Variants in B3GLCT observed in about 807,000 individuals in gnomAD.
B3GLCT encodes beta-1,3-glucosyltransferase.
Under a neutral mutation model 63.4 loss-of-function variants are expected in B3GLCT, and 65 were observed. That is an observed-to-expected ratio of 1.03 (90% CI 0.84 to 1.26). The LOEUF (loss-of-function observed/expected upper bound fraction) is 1.26. B3GLCT is among the 50% of genes most tolerant of loss of function. The pLI is 0.00. For synonymous variants in B3GLCT, 233 were observed against 219.2 expected, an observed-to-expected ratio of 1.06 and a Z score of -0.55; for missense variants, 577 against 604.8, an observed-to-expected ratio of 0.95 and a Z score of 0.48.
intron 12 of B3GLCT, 45 bp from the exon 13 acceptor site, chr13:31,317,521 G>C: frequency 1.2e-6 from 2 of 1,611,540 alleles, no homozygotes; most frequent in Non-Finnish European, 1.7e-6. Context: ...CCATAACCAC[G>C]TTTGAATCAA....
chr13:31,294,151 G>A (rs1268717950), intron 12 of B3GLCT, among the ~76,000 whole-genome samples: 8 of 152,146 alleles, frequency 5.3e-5, no homozygotes, highest in Admixed American at 5.2e-4. Flanking sequence ...CTCTTCTTGT[G>A]GCTTATAGGG....
At chr13:31,251,216 G>T (rs999922702) in intron 6 of B3GLCT, among the ~76,000 whole-genome samples, 2 of 152,162 alleles carry the variant, frequency 1.3e-5, no homozygotes, top group South Asian at 4.1e-4. Flanking sequence ...GAAGGTCACC[G>T]ACTTCAAAGA....
chr13:31,298,932 AT>A (rs1468808976), intron 12 of B3GLCT, among the ~76,000 whole-genome samples: 8 of 152,254 alleles, frequency 5.3e-5, no homozygotes, highest in African/African-American at 1.9e-4. Flanking sequence ...TTGCTTAGAA[AT>A]CAGCCCTGCT....
chr13:31,245,831 A>C (rs914454429), intron 4 of B3GLCT, among the ~76,000 whole-genome samples: 2 of 152,182 alleles, frequency 1.3e-5, no homozygotes, highest in Non-Finnish European at 2.9e-5. Flanking sequence ...ATTCAGAAGT[A>C]ACAGTAGGAA....
At chr13:31,277,133 G>C (rs891421156) in intron 10 of B3GLCT, among the ~76,000 whole-genome samples, 1 of 152,118 alleles carries the variant, frequency 6.6e-6, no homozygotes, top group African/African-American at 2.4e-5. Flanking sequence ...AAGAATGTCA[G>C]GGGATTTCAA....
At position 31,317,595 on chromosome 13, in the gene B3GLCT, G is replaced by A; in HGVS notation, c.1094G>A (p.Cys365Tyr). The A allele has an allele frequency of 6.2e-7, 1 of 1,614,056 alleles. No homozygotes were observed. Among genetic ancestry groups the A allele is most frequent in the Non-Finnish European group, 8.5e-7 (1 of 1,179,970 alleles). Residue 365 changes from cysteine (C) to tyrosine (Y), a missense_variant, in exon 13 of 15, where the codon TGT becomes TAT. Cys to Tyr is a radical substitution (Grantham distance 194). Coordinates refer to ENST00000343307, the MANE Select transcript of B3GLCT (RefSeq NM_194318.4). ...SISRLQHLLS[C>Y]YDSGEPVFLG... ...TCCAGGCTCCAGCACTTGCTTAGCT[G>A]TTATGACTCCGGCGAGCCTGTGTTT... is the stretch of plus-strand genomic sequence containing the variant.
intron 14 of B3GLCT, among the ~76,000 whole-genome samples, chr13:31,329,256 C>G (rs1875791382): frequency 6.6e-6 from 1 of 152,120 alleles, no homozygotes; most frequent in Non-Finnish European, 1.5e-5. Context: ...CTCCCAGAGG[C>G]AAGACTATGG....
chr13:31,285,439 T>G (rs1313627408), intron 11 of B3GLCT, among the ~76,000 whole-genome samples: 1 of 152,034 alleles, frequency 6.6e-6, no homozygotes, highest in Non-Finnish European at 1.5e-5. Flanking sequence ...AAAACTGCAC[T>G]TGTACCTCTT....
chr13:31,246,285 A>G (rs987993570), intron 4 of B3GLCT, among the ~76,000 whole-genome samples: 1 of 152,226 alleles, frequency 6.6e-6, no homozygotes, highest in African/African-American at 2.4e-5. Context: ...CTTGAAATAT[A>G]GGGAATAGTG....
intron 4 of B3GLCT, among the ~76,000 whole-genome samples, chr13:31,244,257 C>T (rs990170646): frequency 2.0e-5 from 3 of 152,080 alleles, no homozygotes; most frequent in East Asian, 1.9e-4. Flanking sequence ...TTTGGGAGGC[C>T]GAGGCGGGTG....
intron 2 of B3GLCT, among the ~76,000 whole-genome samples, chr13:31,216,515 A>C (rs1593250263): frequency 6.6e-6 from 1 of 152,212 alleles, no homozygotes; most frequent in East Asian, 1.9e-4. Context: ...ATTGCATGTC[A>C]TAGGGGTTTG....
chr13:31,200,250 C>A, intron 1 of B3GLCT, 96 bp downstream of exon 1: 1 of 709,070 alleles, frequency 1.4e-6, no homozygotes, highest in Non-Finnish European at 1.8e-6. Context: ...AGGCGCAGGG[C>A]GGCCCAGCCC....
At chr13:31,308,596 T>C (rs972265576) in intron 12 of B3GLCT, among the ~76,000 whole-genome samples, 3 of 152,126 alleles carry the variant, frequency 2.0e-5, no homozygotes, top group African/African-American at 7.2e-5. Flanking sequence ...TTGTGGGTCC[T>C]GCATCAAACC....
At chr13:31,222,255 T>G (rs1869851198) in intron 2 of B3GLCT, among the ~76,000 whole-genome samples, 1 of 151,940 alleles carries the variant, frequency 6.6e-6, no homozygotes, top group Admixed American at 6.6e-5. Flanking sequence ...ACTTTTGTAT[T>G]TTTAGTAGCG....
chr13:31,301,320 C>G (rs1874213052), intron 12 of B3GLCT, among the ~76,000 whole-genome samples: 1 of 152,200 alleles, frequency 6.6e-6, no homozygotes, highest in Admixed American at 6.5e-5. Context: ...TCTTCAGTTT[C>G]TGTTCTGCAC....
At chr13:31,240,092 C>T (rs950582624) in intron 4 of B3GLCT, among the ~76,000 whole-genome samples, 9 of 152,068 alleles carry the variant, frequency 5.9e-5, no homozygotes, top group African/African-American at 1.9e-4. Flanking sequence ...ACCAGAGATA[C>T]ATTATGGTTC....
At chr13:31,252,904 T>C (rs536903016) in intron 6 of B3GLCT, among the ~76,000 whole-genome samples, 1 of 152,290 alleles carries the variant, frequency 6.6e-6, no homozygotes, top group South Asian at 2.1e-4. Context: ...ATCAACAGAA[T>C]ATACATTCTT....
In B3GLCT at chr13:31,266,155, A is replaced by G. The variant is rs535147707; in HGVS notation, c.597-3059A>G. ...TGGGACTGCAGGTGCCCGCCACCAC[A>G]CCCGCCTAATATTTTTGTGTTTTTA... On this transcript the variant is annotated intron_variant, in intron 7 of 14. Transcript: ENST00000343307. Among the ~76,000 whole-genome samples, 242 of 151,886 alleles carry G rather than the reference A, an allele frequency of 1.6e-3. 1 individual carries two copies. Among genetic ancestry groups the G allele is most frequent in the African/African-American group, 3.6e-3 (151 of 41,438 alleles).
In B3GLCT at chr13:31,284,711, C is replaced by T. The variant is rs1440176017; in HGVS notation, c.914C>T (p.Thr305Ile). The T allele has an allele frequency of 1.2e-6, 2 of 1,611,066 alleles. No homozygotes were observed. Among genetic ancestry groups the T allele is most frequent in the Non-Finnish European group, 1.7e-6 (2 of 1,177,372 alleles). ...CTCATTGAATACTATAGTGACTATACTGAAAATTCCATTCCTACTGTGGAT... is the reference window on the plus strand; with the variant it reads ...CTCATTGAATACTATAGTGACTATATTGAAAATTCCATTCCTACTGTGGAT... ...ASLIEYYSDY[T>I]ENSIPTVDLG... The change falls in exon 11 of 15, where the codon ACT becomes ATT. Residue 305 changes from threonine (T) to isoleucine (I), a missense_variant. Coordinates refer to ENST00000343307, the MANE Select transcript of B3GLCT (RefSeq NM_194318.4).
Sources: allele counts gnomAD v4.1 joint callset (sites outside exome capture counted in the v4.1 genomes callset), GRCh38; gene constraint gnomAD v4.1.1; transcripts MANE v1.5; gene names NCBI Gene and HGNC (gene_info 2026-07-23, HGNC 2026-07-21).